Variants in LRRC43 observed in about 807,000 individuals in gnomAD.
LRRC43 encodes leucine-rich repeat-containing protein 43.
LRRC43 carries 62 observed loss-of-function variants against 64.3 expected under a neutral mutation model. That is an observed-to-expected ratio of 0.96 (90% CI 0.79 to 1.19). LRRC43 has a LOEUF of 1.19. Among genes scored for constraint, LRRC43 ranks in the 50% most tolerant of loss-of-function variants. The pLI is 0.00. For missense variants in LRRC43, 868 were observed against 845.0 expected (o/e 1.03, Z -0.34); for synonymous variants, 422 against 382.3 (o/e 1.10, Z -1.21).
intron 10 of LRRC43, among the ~76,000 whole-genome samples, 158 bp downstream of exon 10, chr12:122,201,092 C>T (rs568481924): frequency 1.8e-4 from 28 of 152,306 alleles, no homozygotes; most frequent in African/African-American, 6.7e-4. Context: ...CTGGTGCTGC[C>T]GCCTGCACAG....
intron 1 of LRRC43, chr12:122,172,609 T>G: frequency 6.2e-7 from 1 of 1,614,150 alleles, no homozygotes; most frequent in Non-Finnish European, 8.5e-7. Context: ...ACAGATTTGT[T>G]GTCTAGCTGT....
intron 4 of LRRC43, chr12:122,189,617 C>T (rs552544627): frequency 5.4e-5 from 21 of 387,062 alleles, no homozygotes; most frequent in African/African-American, 2.5e-4. Context: ...CCTGGGGTCC[C>T]GCCCCAGTCT....
intron 7 of LRRC43, among the ~76,000 whole-genome samples, chr12:122,195,002 A>G (rs1184717029): frequency 6.6e-6 from 1 of 151,990 alleles, no homozygotes; most frequent in Non-Finnish European, 1.5e-5. Flanking sequence ...TTTGTTTTTT[A>G]TGTGAATTTG....
Position 122,184,315 on chromosome 12 carries a change from C to T in LRRC43, c.151-204C>T, listed in dbSNP as rs990991716. Among the ~76,000 whole-genome samples the T allele has an allele frequency of 1.3e-5, 2 of 152,098 alleles. No individual in the cohort carries two copies. Among genetic ancestry groups the T allele is most frequent in the African/African-American group, 4.8e-5 (2 of 41,416 alleles). ...TTCACCGTGTTAGCCAGGATGGCCT[C>T]GATCTCTTGACCTCATGATCCGCCT... On this transcript the variant is annotated intron_variant, in intron 1 of 11. Coordinates refer to ENST00000339777, the MANE Select transcript of LRRC43 (RefSeq NM_001098519.2). This position sits in a 1 kb window ranked among gnomAD's most constrained non-coding sequence, Gnocchi z 4.0.
At chr12:122,186,440 T>C in intron 3 of LRRC43, 140 bp downstream of exon 3, 1 of 613,406 alleles carries the variant, frequency 1.6e-6, no homozygotes, top group Non-Finnish European at 2.9e-6. Context: ...GTCACTTTCC[T>C]AGAAAAGTTC....
In LRRC43 at chr12:122,200,700, C is replaced by A. The variant is rs751126654; in HGVS notation, c.1620+40C>A. On this transcript the variant is annotated intron_variant, in intron 9 of 11. Coordinates refer to ENST00000339777, the MANE Select transcript of LRRC43 (RefSeq NM_001098519.2). This position sits in a 1 kb window ranked among gnomAD's most constrained non-coding sequence, Gnocchi z 4.6. Reference sequence around the variant, plus strand: ...TGCTGGGGAGGGCAGCCTGGCCACACCCTTGCTTCAACTTGTCCCACCCTC... The same window carrying A: ...TGCTGGGGAGGGCAGCCTGGCCACAACCTTGCTTCAACTTGTCCCACCCTC... The A allele has an allele frequency of 1.2e-6, 2 of 1,613,282 alleles. No individual in the cohort carries two copies. Among genetic ancestry groups the A allele is most frequent in the South Asian group, 1.1e-5 (1 of 91,062 alleles).
At chr12:122,195,140 C>CT (rs1953762142) in intron 7 of LRRC43, among the ~76,000 whole-genome samples, 2 of 151,854 alleles carry the variant, frequency 1.3e-5, no homozygotes, top group African/African-American at 4.8e-5. Flanking sequence ...TCAGTTTTTT[C>CT]TTTCTCTTCA....
intron 5 of LRRC43, 137 bp downstream of exon 5, chr12:122,190,505 C>G: frequency 6.0e-6 from 4 of 666,296 alleles, no homozygotes; most frequent in Non-Finnish European, 1.0e-5. Flanking sequence ...CAGGTATAGC[C>G]TCTCTTCTGG....
At chr12:122,172,237 G>T in intron 1 of LRRC43, 1 of 577,200 alleles carries the variant, frequency 1.7e-6, no homozygotes. Context: ...TGTTTTTCAA[G>T]GTAATTCACA....
chr12:122,193,627 C>T (rs1312557708), intron 7 of LRRC43, among the ~76,000 whole-genome samples: 1 of 152,116 alleles, frequency 6.6e-6, no homozygotes, highest in Non-Finnish European at 1.5e-5. Flanking sequence ...TGCAGTGGTG[C>T]GATCTCAGCT....
Position 122,187,701 on chromosome 12 carries a change from G to T in LRRC43, c.523G>T (p.Val175Leu), listed in dbSNP as rs749899890. The T allele has an allele frequency of 8.1e-6, 13 of 1,613,270 alleles. No homozygotes were observed. The highest frequency in any genetic ancestry group is 1.1e-5 in the Non-Finnish European group (13 of 1,180,000). The change falls in exon 4 of 12, where the codon GTG becomes TTG. Residue 175 changes from valine (V) to leucine (L), a missense_variant and splice_region_variant. Physicochemically the swap from Val to Leu is conservative, Grantham distance 32 (BLOSUM62 1). Coordinates refer to ENST00000339777, the MANE Select transcript of LRRC43 (RefSeq NM_001098519.2). ...DATNLPPTLKVLELYGNEISS... is the reference protein window; with the variant it reads ...DATNLPPTLKLLELYGNEISS... ...CCGGGCCTTCCGTGTGGTCTCCCAG[G>T]TGCTGGAGCTCTACGGCAATGAGAT... is the stretch of plus-strand genomic sequence containing the variant.
At chr12:122,192,251 C>T (rs1203752895) in intron 6 of LRRC43, among the ~76,000 whole-genome samples, 1 of 152,240 alleles carries the variant, frequency 6.6e-6, no homozygotes, top group Non-Finnish European at 1.5e-5. Context: ...ATTCTCCTGC[C>T]TCAGCCTCCT....
At chr12:122,168,368 G>A (rs1953458220) in intron 1 of LRRC43, among the ~76,000 whole-genome samples, 1 of 151,476 alleles carries the variant, frequency 6.6e-6, no homozygotes, top group Non-Finnish European at 1.5e-5. Flanking sequence ...TAGAACCTGG[G>A]ACGTGGAGAT....
At chr12:122,180,216 G>T (rs1953570496), upstream of LRRC43, among the ~76,000 whole-genome samples, 2 of 151,850 alleles carry the variant, frequency 1.3e-5, no homozygotes, top group Admixed American at 1.3e-4. Context: ...GGTTTGGGAA[G>T]TGAGGAAAAA....
At chr12:122,173,788 G>T (rs61955583) in intron 1 of LRRC43, 2 of 1,499,544 alleles carry the variant, frequency 1.3e-6, no homozygotes, top group Non-Finnish European at 1.8e-6. Context: ...TCTTTGGAGG[G>T]CAATGGAAGG....
rs1672106428 is a variant in LRRC43 at position 122,200,018 on chromosome 12, G to A, written c.1350-171G>A. Among the ~76,000 whole-genome samples the A allele has an allele frequency of 6.6e-6, 1 of 152,146 alleles. No individual in the cohort carries two copies. The highest frequency in any genetic ancestry group is 6.5e-5 in the Admixed American group (1 of 15,278). On this transcript the variant is annotated intron_variant, in intron 7 of 11. Transcript: ENST00000339777. The surrounding 1 kb of genome is among the most constrained non-coding windows in gnomAD (Gnocchi z 4.6). The stretch of plus-strand genomic sequence containing the variant: ...GTCTCCTCTGTATCCACACCTTTCT[G>A]GCCTTCTGGTCCCCTTGCCCTGCCT...
At chr12:122,178,582 CTTTTTTTTTTTTT>C (rs57204293), upstream of LRRC43, among the ~76,000 whole-genome samples, 33 of 60,732 alleles carry the variant, frequency 5.4e-4, no homozygotes, top group African/African-American at 1.6e-3. Flanking sequence ...AGGTGGCTTT[CTTTTTTTTTTTTT>C]TTTTTTTTTT....
chr12:122,180,619 G>C (rs184575377), upstream of LRRC43, among the ~76,000 whole-genome samples: 1 of 152,140 alleles, frequency 6.6e-6, no homozygotes, highest in African/African-American at 2.4e-5. Flanking sequence ...AGGGGGACTT[G>C]GGATGAAGGG....
chr12:122,171,875 C>A (rs1953488348), intron 1 of LRRC43, among the ~76,000 whole-genome samples: 3 of 152,124 alleles, frequency 2.0e-5, no homozygotes, highest in Admixed American at 1.3e-4. Context: ...GGCTCAGGGT[C>A]ATTATTTTTT....
Sources: gnomAD v4.1 joint callset for allele counts (sites outside exome capture counted in the v4.1 genomes callset) on GRCh38, gnomAD v4.1.1 for gene constraint, Gnocchi (gnomAD v3.1) non-coding constraint, MANE v1.5 for transcripts, NCBI Gene and HGNC (gene_info 2026-07-23, HGNC 2026-07-21) for gene names.